Variants in ARHGAP10 observed in about 807,000 individuals in gnomAD.
ARHGAP10 encodes the protein rho GTPase-activating protein 10.
A neutral mutation model predicts 108.6 loss-of-function variants in ARHGAP10; 87 were observed. The ratio of observed to expected loss-of-function variants is 0.80; its 90% CI spans 0.67 to 0.96. The LOEUF (loss-of-function observed/expected upper bound fraction) is 0.96. ARHGAP10 is among the 40% of genes least tolerant of loss of function. The pLI, the probability that ARHGAP10 is intolerant of heterozygous loss-of-function variation, is 0.00. For missense variants in ARHGAP10, 939 were observed against 954.5 expected (o/e 0.98, Z 0.21); for synonymous variants, 347 against 341.1 (o/e 1.02, Z -0.19).
At chr4:147,965,668 T>C (rs1297567631) in intron 17 of ARHGAP10, among the ~76,000 whole-genome samples, 1 of 152,138 alleles carries the variant, frequency 6.6e-6, no homozygotes, top group Non-Finnish European at 1.5e-5. Flanking sequence ...CTTTTACATA[T>C]AAAGAAAATG....
At chr4:147,774,374 G>T (rs72953502) in intron 1 of ARHGAP10, among the ~76,000 whole-genome samples, 14 of 152,154 alleles carry the variant, frequency 9.2e-5, no homozygotes, top group Non-Finnish European at 1.8e-4. Flanking sequence ...ATTTCTGCAG[G>T]TATCCAATGT....
chr4:148,057,023 C>T (rs1488053889), intron 20 of ARHGAP10, among the ~76,000 whole-genome samples: 2 of 152,184 alleles, frequency 1.3e-5, no homozygotes, highest in African/African-American at 4.8e-5. Context: ...TTAGGTTGCT[C>T]AGCCAAGTTT....
chr4:147,829,191 C>T (rs1732847463), intron 3 of ARHGAP10, among the ~76,000 whole-genome samples: 1 of 152,052 alleles, frequency 6.6e-6, no homozygotes, highest in Non-Finnish European at 1.5e-5. Flanking sequence ...GCTGGAACTA[C>T]ACGCGGGTGC....
At chr4:147,857,754 A>G (rs886924464) in intron 5 of ARHGAP10, 100 bp downstream of exon 5, 26 of 1,057,756 alleles carry the variant, frequency 2.5e-5, no homozygotes, top group Admixed American at 4.4e-5. Flanking sequence ...ATCTGGCATT[A>G]TATAGAGATA....
chr4:148,046,852 C>T, intron 19 of ARHGAP10, 40 bp from the exon 20 acceptor site: 2 of 1,575,274 alleles, frequency 1.3e-6, no homozygotes, highest in Non-Finnish European at 1.7e-6. Context: ...TTTTCTTCTC[C>T]AGGTATTTGT....
chr4:148,051,597 A>G (rs1488147800), intron 20 of ARHGAP10, among the ~76,000 whole-genome samples: 1 of 152,164 alleles, frequency 6.6e-6, no homozygotes, highest in Non-Finnish European at 1.5e-5. Context: ...GGGTGCCGGC[A>G]CCCTGAGATG....
At chr4:147,948,046 T>G (rs1482924336) in intron 15 of ARHGAP10, among the ~76,000 whole-genome samples, 1 of 151,286 alleles carries the variant, frequency 6.6e-6, no homozygotes, top group African/African-American at 2.4e-5. Flanking sequence ...GTTCCAGCAA[T>G]TCTCCTGCCT....
intron 19 of ARHGAP10, among the ~76,000 whole-genome samples, chr4:148,027,110 A>G (rs976429104): frequency 7.9e-5 from 12 of 152,226 alleles, no homozygotes; most frequent in Non-Finnish European, 1.6e-4. Flanking sequence ...TTTTAAGCAA[A>G]GGTCTGGGGA....
At chr4:147,934,334 G>A (rs777595603) in intron 13 of ARHGAP10, among the ~76,000 whole-genome samples, 1 of 152,190 alleles carries the variant, frequency 6.6e-6, no homozygotes, top group Non-Finnish European at 1.5e-5. Flanking sequence ...ACCCTCCCAG[G>A]TCTTGGGCTC....
At chr4:148,019,619 G>T (rs1304990669) in intron 18 of ARHGAP10, among the ~76,000 whole-genome samples, 1 of 151,966 alleles carries the variant, frequency 6.6e-6, no homozygotes, top group East Asian at 1.9e-4. Flanking sequence ...GCATGGTGGT[G>T]CGTGCCTGTA....
chr4:147,816,849 A>G (rs1006871713), intron 1 of ARHGAP10, among the ~76,000 whole-genome samples: 1 of 152,330 alleles, frequency 6.6e-6, no homozygotes, highest in African/African-American at 2.4e-5. Context: ...TACTTGGATT[A>G]ATGTCAACAT....
intron 1 of ARHGAP10, among the ~76,000 whole-genome samples, chr4:147,798,172 T>C (rs541974903): frequency 6.6e-6 from 1 of 152,122 alleles, no homozygotes; most frequent in African/African-American, 2.4e-5. Flanking sequence ...ATTCTTTCAG[T>C]AGCTTTATTT....
At chr4:147,930,848 A>T (rs1169399305) in intron 13 of ARHGAP10, among the ~76,000 whole-genome samples, 1 of 152,128 alleles carries the variant, frequency 6.6e-6, no homozygotes, top group Non-Finnish European at 1.5e-5. Context: ...ACCTGCATTT[A>T]TCAGCCCTCT....
At chr4:148,023,184 T>G in intron 18 of ARHGAP10, 79 bp from the exon 19 acceptor site, 1 of 1,515,542 alleles carries the variant, frequency 6.6e-7, no homozygotes, top group Non-Finnish European at 9.0e-7. Context: ...AATCAAATGT[T>G]GTGGTGCTGG....
rs112904921 is a variant in ARHGAP10, at chr4:147,962,052, T to G, written c.1451-2972T>G. Among the ~76,000 whole-genome samples, 6 of 152,342 alleles carry G rather than the reference T, an allele frequency of 3.9e-5. 2 individuals carry two copies. The highest frequency in any genetic ancestry group is 1.4e-4 in the African/African-American group (6 of 41,590). ...CACCTCCTGGAGAACATTTCTAGCCTTGATCTCTAAAGCCTCCTACTGTTT... is the reference window on the plus strand; with the variant it reads ...CACCTCCTGGAGAACATTTCTAGCCGTGATCTCTAAAGCCTCCTACTGTTT... On this transcript the variant is annotated intron_variant, in intron 16 of 22. Transcript: ENST00000336498.
At chr4:147,856,097 A>G (rs1008588386) in intron 4 of ARHGAP10, among the ~76,000 whole-genome samples, 5 of 152,212 alleles carry the variant, frequency 3.3e-5, no homozygotes, top group Admixed American at 2.0e-4. Flanking sequence ...GCATGAGGAC[A>G]TGGTGTGCTC....
chr4:147,966,125 G>A (rs1016986826), intron 17 of ARHGAP10, among the ~76,000 whole-genome samples: 12 of 152,226 alleles, frequency 7.9e-5, no homozygotes, highest in African/African-American at 2.9e-4. Context: ...AAGGTGCTAC[G>A]CAGTCTAGTA....
chr4:147,897,829 AT>A (rs1191594873), intron 10 of ARHGAP10, among the ~76,000 whole-genome samples: 1 of 152,150 alleles, frequency 6.6e-6, no homozygotes, highest in East Asian at 1.9e-4. Context: ...AGGTATATGC[AT>A]ACATGTGGGT....
intron 15 of ARHGAP10, among the ~76,000 whole-genome samples, chr4:147,954,865 A>G (rs960911542): frequency 7.2e-5 from 11 of 152,064 alleles, no homozygotes; most frequent in Non-Finnish European, 1.5e-4. Context: ...TTTATAATAT[A>G]TTTAATCAGA....
Sources: gnomAD v4.1 joint callset for allele counts (sites outside exome capture counted in the v4.1 genomes callset) on GRCh38, gnomAD v4.1.1 for gene constraint, MANE v1.5 for transcripts, NCBI Gene and HGNC (gene_info 2026-07-23, HGNC 2026-07-21) for gene names.